TMC1: variants seen among roughly 807,000 people sequenced by gnomAD.
TMC1 encodes the protein transmembrane channel-like protein 1.
Under a neutral mutation model 105.8 loss-of-function variants are expected in TMC1, and 84 were observed. That is an observed-to-expected ratio of 0.79 (90% CI 0.67 to 0.95). The LOEUF (loss-of-function observed/expected upper bound fraction) is 0.95. Ranked by LOEUF, TMC1 falls within the 40% of genes least tolerant of loss-of-function variation. The pLI, the probability that TMC1 is intolerant of heterozygous loss-of-function variation, is 0.00. For missense variants in TMC1, 817 were observed against 914.1 expected, an observed-to-expected ratio of 0.89 and a Z score of 1.37; for synonymous variants, 315 against 311.5, an observed-to-expected ratio of 1.01 and a Z score of -0.12.
At chr9:72,587,938 C>T (rs1824580098) in intron 2 of TMC1, among the ~76,000 whole-genome samples, 1 of 151,828 alleles carries the variant, frequency 6.6e-6, no homozygotes, top group Non-Finnish European at 1.5e-5. Context: ...GGCATGCACC[C>T]CCATGCCTGG....
At position 72,723,196 on chromosome 9, in the gene TMC1, TTTTTGTTTTATATGAC is replaced by T. The variant is rs775441982; in HGVS notation, c.363-16898_363-16883del. On this transcript the variant is annotated intron_variant, in intron 8 of 23. Coordinates refer to ENST00000297784, the MANE Select transcript of TMC1 (RefSeq NM_138691.3). The stretch of plus-strand genomic sequence containing the variant: ...ACTAAAAAAACTGCTAGCTAAATGA[TTTTTGTTTTATATGAC>T]TTTTGTTTTATATGACTTTTGTTTA... 5.1e-3 allele frequency among the ~76,000 whole-genome samples: 772 copies of T among 152,296 alleles called. 4 individuals carry two copies. Among genetic ancestry groups the T allele is most frequent in the African/African-American group, 0.018 (732 of 41,542 alleles).
In TMC1 at chr9:72,820,950, C is replaced by G; in HGVS notation, c.1872C>G (p.Ala624=). Residue 624 remains alanine (A), a synonymous_variant, in exon 20 of 24, where the codon GCC becomes GCG. Coordinates refer to ENST00000297784, the MANE Select transcript of TMC1 (RefSeq NM_138691.3). ...TTATGTGCTGCAATGTTCCTGAGGC[C>G]AGGGTCTTCAAAGCTTCCAGATCAA... ...WAVMCCNVPE[A]RVFKASRSNN... The G allele has an allele frequency of 6.2e-7, 1 of 1,614,140 alleles. No individual in the cohort carries two copies. Among genetic ancestry groups the G allele is most frequent in the Non-Finnish European group, 8.5e-7 (1 of 1,180,026 alleles).
At chr9:72,801,624 C>A (rs953794674) in intron 17 of TMC1, among the ~76,000 whole-genome samples, 3 of 152,128 alleles carry the variant, frequency 2.0e-5, no homozygotes, top group Middle Eastern at 3.2e-3. Flanking sequence ...TAAATTATTT[C>A]TTTAGCTTTA....
chr9:72,804,100 A>G (rs1317034605), intron 17 of TMC1, among the ~76,000 whole-genome samples: 1 of 152,190 alleles, frequency 6.6e-6, no homozygotes, highest in African/African-American at 2.4e-5. Flanking sequence ...GATGGAGCTG[A>G]AAGCCATTAT....
At chr9:72,596,950 C>T (rs1408053444) in intron 2 of TMC1, among the ~76,000 whole-genome samples, 1 of 152,186 alleles carries the variant, frequency 6.6e-6, no homozygotes, top group Non-Finnish European at 1.5e-5. Flanking sequence ...AGATTCCTAC[C>T]TCATTTTGTG....
At chr9:72,722,751 G>A (rs891871222) in intron 8 of TMC1, among the ~76,000 whole-genome samples, 1 of 152,094 alleles carries the variant, frequency 6.6e-6, no homozygotes, top group African/African-American at 2.4e-5. Context: ...ATGTTTAAAG[G>A]GTCTGGATGA....
intron 3 of TMC1, among the ~76,000 whole-genome samples, chr9:72,618,591 A>C (rs1207837114): frequency 1.3e-5 from 2 of 152,168 alleles, no homozygotes; most frequent in Admixed American, 6.5e-5. Context: ...GATATAAATA[A>C]AGTTAAAATG....
intron 5 of TMC1, among the ~76,000 whole-genome samples, chr9:72,685,518 C>A (rs1399724966): frequency 6.6e-6 from 1 of 151,934 alleles, no homozygotes; most frequent in Non-Finnish European, 1.5e-5. Flanking sequence ...CGCCTGCCAC[C>A]AAGCCCAGCT....
intron 12 of TMC1, among the ~76,000 whole-genome samples, chr9:72,758,603 A>G (rs763347205): frequency 2.0e-5 from 3 of 152,190 alleles, no homozygotes; most frequent in Non-Finnish European, 2.9e-5. Flanking sequence ...ATCAGACGCC[A>G]CAGACAGCCG....
chr9:72,797,789 A>G (rs1828397683), intron 17 of TMC1, among the ~76,000 whole-genome samples: 1 of 152,200 alleles, frequency 6.6e-6, no homozygotes, highest in Non-Finnish European at 1.5e-5. Flanking sequence ...AGGCAATATC[A>G]TTCAGGACAT....
At chr9:72,637,265 A>G (rs1342638279) in intron 4 of TMC1, among the ~76,000 whole-genome samples, 1 of 151,662 alleles carries the variant, frequency 6.6e-6, no homozygotes, top group Admixed American at 6.6e-5. Flanking sequence ...TTAGTTATCT[A>G]GTATAGAGAA....
chr9:72,580,621 AGAGTT>A (rs1295063938), intron 2 of TMC1, among the ~76,000 whole-genome samples: 1 of 152,252 alleles, frequency 6.6e-6, no homozygotes, highest in East Asian at 1.9e-4. Context: ...GCACATACAC[AGAGTT>A]AAGTTTGGTC....
chr9:72,531,247 G>T (rs2132057562), intron 1 of TMC1, among the ~76,000 whole-genome samples: 1 of 152,152 alleles, frequency 6.6e-6, no homozygotes, highest in South Asian at 2.1e-4. Context: ...GTCTACTTTT[G>T]TCTACTTTCA....
chr9:72,805,910 A>G (rs184202904), intron 18 of TMC1, among the ~76,000 whole-genome samples: 14,029 of 152,216 alleles, frequency 0.092, 713 homozygotes, highest in Non-Finnish European at 0.13. Flanking sequence ...TTTTCTTAGT[A>G]CAGAACAAAA....
intron 12 of TMC1, among the ~76,000 whole-genome samples, chr9:72,759,851 T>A (rs1166882413): frequency 6.6e-6 from 1 of 152,240 alleles, no homozygotes; most frequent in Non-Finnish European, 1.5e-5. Context: ...GTTCTCTTCA[T>A]GTCCTGTATT....
intron 18 of TMC1, among the ~76,000 whole-genome samples, chr9:72,807,190 C>G (rs1031389143): frequency 7.9e-5 from 12 of 152,110 alleles, no homozygotes; most frequent in Admixed American, 7.9e-4. Flanking sequence ...TGCAGTGAGC[C>G]GAGATGGCAG....
intron 1 of TMC1, among the ~76,000 whole-genome samples, chr9:72,554,083 T>C (rs565369389): frequency 2.0e-5 from 3 of 152,202 alleles, no homozygotes; most frequent in Non-Finnish European, 4.4e-5. Flanking sequence ...CTTGACTTCA[T>C]ATTCTTCAAA....
chr9:72,744,226 C>T (rs143632809), intron 10 of TMC1, among the ~76,000 whole-genome samples: 1 of 152,316 alleles, frequency 6.6e-6, no homozygotes, highest in African/African-American at 2.4e-5. Flanking sequence ...TTAACACTTA[C>T]CGCTATCTAA....
intron 1 of TMC1, among the ~76,000 whole-genome samples, chr9:72,563,210 A>G (rs527356084): frequency 3.2e-4 from 48 of 152,262 alleles, no homozygotes; most frequent in African/African-American, 1.2e-3. Flanking sequence ...ATGCAGGAAG[A>G]TTAGGAAGTA....
Sources: gnomAD v4.1 joint callset for allele counts (sites outside exome capture counted in the v4.1 genomes callset) on GRCh38, gnomAD v4.1.1 for gene constraint, MANE v1.5 for transcripts, NCBI Gene and HGNC (gene_info 2026-07-23, HGNC 2026-07-21) for gene names.